Variants in SLC35F1 observed in about 807,000 individuals in gnomAD.
SLC35F1 encodes the protein solute carrier family 35 member F1.
In SLC35F1, 14 loss-of-function variants were observed where a neutral mutation model predicts 48.7. That is an observed-to-expected ratio of 0.29 (90% CI 0.19 to 0.45). SLC35F1 has a LOEUF of 0.45. Ranked by LOEUF, SLC35F1 falls within the 20% of genes least tolerant of loss-of-function variation. SLC35F1 has a pLI of 1.00. For synonymous variants in SLC35F1, 190 were observed against 202.2 expected (o/e 0.94, Z 0.51); for missense variants, 404 against 500.0 (o/e 0.81, Z 1.83).
At chr6:118,048,171 T>C (rs1169995799) in intron 1 of SLC35F1, among the ~76,000 whole-genome samples, 1 of 152,200 alleles carries the variant, frequency 6.6e-6, no homozygotes, top group Non-Finnish European at 1.5e-5. Context: ...TCTATTTATA[T>C]GCTGGATTAC....
intron 1 of SLC35F1, among the ~76,000 whole-genome samples, chr6:118,010,616 G>T (rs1777231005): frequency 6.6e-6 from 1 of 152,106 alleles, no homozygotes; most frequent in South Asian, 2.1e-4. Context: ...ATGCATACTG[G>T]TTCTGTTAGG....
At chr6:117,968,852 T>C (rs987038093) in intron 1 of SLC35F1, among the ~76,000 whole-genome samples, 1 of 152,176 alleles carries the variant, frequency 6.6e-6, no homozygotes, top group African/African-American at 2.4e-5. Context: ...AACTATTGTT[T>C]TGGGAAAATA....
At chr6:117,957,058 G>A (rs1246986714) in intron 1 of SLC35F1, among the ~76,000 whole-genome samples, 2 of 152,060 alleles carry the variant, frequency 1.3e-5, no homozygotes, top group African/African-American at 4.8e-5. Flanking sequence ...CATGTGCTTG[G>A]TGGGCATCTC....
At chr6:118,094,986 G>T in intron 1 of SLC35F1, among the ~76,000 whole-genome samples, 1 of 148,672 alleles carries the variant, frequency 6.7e-6, no homozygotes, top group East Asian at 2.0e-4. Context: ...AAAAAAAGTA[G>T]CCAGGCATGA....
chr6:118,213,013 G>A (rs1398260238), intron 2 of SLC35F1, among the ~76,000 whole-genome samples: 2 of 152,094 alleles, frequency 1.3e-5, no homozygotes, highest in Non-Finnish European at 1.5e-5. Flanking sequence ...TGAGAGGTGG[G>A]ATACTTCATC....
intron 1 of SLC35F1, among the ~76,000 whole-genome samples, chr6:118,001,775 C>G (rs1471465319): frequency 6.6e-6 from 1 of 152,048 alleles, no homozygotes; most frequent in Non-Finnish European, 1.5e-5. Flanking sequence ...ACAACCCCAT[C>G]AAAAAGTGGG....
At chr6:117,991,859 G>A (rs942840890) in intron 1 of SLC35F1, among the ~76,000 whole-genome samples, 20 of 152,134 alleles carry the variant, frequency 1.3e-4, no homozygotes, top group African/African-American at 4.8e-4. Context: ...TATATGTAGT[G>A]ACCACTTAAA....
chr6:118,044,008 A>C (rs1178299508), intron 1 of SLC35F1, among the ~76,000 whole-genome samples: 1 of 152,222 alleles, frequency 6.6e-6, no homozygotes, highest in East Asian at 1.9e-4. Context: ...GACTGCCAAC[A>C]AATCTCTTGA....
intron 2 of SLC35F1, among the ~76,000 whole-genome samples, chr6:118,172,572 A>T (rs753579695): frequency 5.3e-5 from 8 of 152,144 alleles, no homozygotes; most frequent in Non-Finnish European, 1.2e-4. Context: ...CAAGACAGTA[A>T]AATTGTGTTC....
At chr6:117,995,409 G>A (rs932168099) in intron 1 of SLC35F1, among the ~76,000 whole-genome samples, 1 of 152,128 alleles carries the variant, frequency 6.6e-6, no homozygotes, top group Non-Finnish European at 1.5e-5. Context: ...CAGACATATG[G>A]CAAATGCTAA....
At chr6:118,138,267 C>A (rs567832987) in intron 1 of SLC35F1, among the ~76,000 whole-genome samples, 110 of 150,874 alleles carry the variant, frequency 7.3e-4, no homozygotes, top group African/African-American at 2.6e-3. Context: ...ATGATCACAC[C>A]ACTGCACTTC....
chr6:117,930,778 G>C (rs1426936351), intron 1 of SLC35F1, among the ~76,000 whole-genome samples: 2 of 152,130 alleles, frequency 1.3e-5, no homozygotes, highest in African/African-American at 4.8e-5. Flanking sequence ...TGCAGTTCCT[G>C]GTGCAGATTT....
chr6:118,235,318 C>CA (rs1157639143), intron 2 of SLC35F1, among the ~76,000 whole-genome samples, 191 bp from the exon 3 acceptor site: 1 of 152,024 alleles, frequency 6.6e-6, no homozygotes, highest in Non-Finnish European at 1.5e-5. Flanking sequence ...CTTGAAAAGC[C>CA]AAAATCTGCA....
intron 1 of SLC35F1, among the ~76,000 whole-genome samples, chr6:118,046,375 G>A (rs1361620035): frequency 1.3e-5 from 2 of 152,064 alleles, no homozygotes; most frequent in Non-Finnish European, 2.9e-5. Context: ...TGTCTATTCT[G>A]TCTTTCTGAA....
intron 1 of SLC35F1, among the ~76,000 whole-genome samples, chr6:118,051,363 G>T (rs575727056): frequency 2.0e-5 from 3 of 152,192 alleles, no homozygotes; most frequent in South Asian, 2.1e-4. Context: ...TGACAGCTTT[G>T]CACTTGACTA....
chr6:118,282,830 A>G (rs1462723242), intron 6 of SLC35F1, among the ~76,000 whole-genome samples: 2 of 151,808 alleles, frequency 1.3e-5, no homozygotes, highest in African/African-American at 4.8e-5. Flanking sequence ...TCCCTTCTCC[A>G]CTGCCGTTTC....
intron 2 of SLC35F1, among the ~76,000 whole-genome samples, chr6:118,164,175 G>A (rs187997127): frequency 9.8e-4 from 150 of 152,288 alleles, no homozygotes; most frequent in African/African-American, 3.5e-3. Context: ...AAGTTAAAGT[G>A]ATTGGGCTCT....
chr6:118,061,651 T>C (rs1772541685), intron 1 of SLC35F1, among the ~76,000 whole-genome samples: 1 of 151,466 alleles, frequency 6.6e-6, no homozygotes, highest in Non-Finnish European at 1.5e-5. Flanking sequence ...ACATATGACT[T>C]GGGACTTCTC....
At chr6:118,216,660 A>T (rs945673368) in intron 2 of SLC35F1, among the ~76,000 whole-genome samples, 2 of 152,090 alleles carry the variant, frequency 1.3e-5, no homozygotes, top group Non-Finnish European at 2.9e-5. Context: ...TCAATAATAT[A>T]CTCATTACAC....
Sources: allele counts gnomAD v4.1 joint callset (sites outside exome capture counted in the v4.1 genomes callset), GRCh38; gene constraint gnomAD v4.1.1; transcripts MANE v1.5; gene names NCBI Gene and HGNC (gene_info 2026-07-23, HGNC 2026-07-21).